Variants in ARHGEF33 observed in about 807,000 individuals in gnomAD.
The protein encoded by ARHGEF33 is DH and coiled-coil domain-containing protein ENSP00000381780.
ARHGEF33 carries 72 observed loss-of-function variants against 101.9 expected under a neutral mutation model. The observed-to-expected ratio is 0.71, with a 90% CI of 0.58 to 0.86. ARHGEF33 has a LOEUF of 0.86. ARHGEF33 is among the 40% of genes least tolerant of loss of function. The pLI is 0.00. For synonymous variants in ARHGEF33, 499 were observed against 442.5 expected (o/e 1.13, Z -1.60); for missense variants, 1,169 against 1,111.3 (o/e 1.05, Z -0.74).
chr2:38,903,280 G>A (rs1216112018), intron 2 of ARHGEF33, among the ~76,000 whole-genome samples: 1 of 152,114 alleles, frequency 6.6e-6, no homozygotes, highest in East Asian at 1.9e-4. Context: ...ATTTTAAGAA[G>A]CAGGGATCTG....
chr2:38,960,363 C>T lies in ARHGEF33; in HGVS notation c.2058C>T (p.Ser686=), dbSNP rs1226549609. 3.9e-6 allele frequency: 6 copies of T among 1,528,348 alleles called. No homozygotes were observed. Among genetic ancestry groups the T allele is most frequent in the East Asian group, 2.5e-5 (1 of 40,446 alleles). 94.7% of individuals were successfully genotyped at this position (1,528,348 alleles called of 1,614,324 possible). A position where few individuals can be genotyped will look rare whatever the true frequency, so the allele number is the denominator to read the frequency against. Residue 686 remains serine, a synonymous_variant, in exon 16 of 18, where the codon AGC becomes AGT. Coordinates refer to ENST00000409978, the MANE Select transcript of ARHGEF33 (RefSeq NM_001145451.5). ...AGAGCGCTACGTCGCCGGCGGGCAG[C>T]AGCAGCGCCTACAAACTGGAGGCGG... ...LPKSATSPAG[S]SSAYKLEAAA...
chr2:38,953,507 C>A (rs1341629176), intron 12 of ARHGEF33, among the ~76,000 whole-genome samples: 4 of 152,296 alleles, frequency 2.6e-5, no homozygotes, highest in Admixed American at 2.0e-4. Flanking sequence ...AATGGGCATT[C>A]TATGCAGAGA....
At chr2:38,919,930 TC>T (rs1666716986) in intron 3 of ARHGEF33, among the ~76,000 whole-genome samples, 1 of 152,218 alleles carries the variant, frequency 6.6e-6, no homozygotes, top group Admixed American at 6.5e-5. Context: ...GGGATCTGGA[TC>T]TTTCCTCCCA....
chr2:38,909,378 G>A (rs1666460756), intron 2 of ARHGEF33, among the ~76,000 whole-genome samples: 1 of 151,922 alleles, frequency 6.6e-6, no homozygotes, highest in Admixed American at 6.5e-5. Flanking sequence ...CTGGAGTGCA[G>A]TGGCTCTATC....
At position 38,966,213 on chromosome 2, in the gene ARHGEF33, C is replaced by T; in HGVS notation, c.2483+68C>T. ...TTTGGGCTAAATCTTGAGGTTTTAACAATAATAAGTATCAAGTAGCCTGGT... is the reference window on the plus strand; with the variant it reads ...TTTGGGCTAAATCTTGAGGTTTTAATAATAATAAGTATCAAGTAGCCTGGT... On this transcript the variant is annotated intron_variant, in intron 17 of 17. Transcript: ENST00000409978. The T allele has an allele frequency of 2.6e-6, 4 of 1,511,034 alleles. No individual in the cohort carries two copies. In the South Asian group the frequency reaches 5.2e-5, roughly 20 times the overall value. 93.6% of individuals were successfully genotyped at this position (1,511,034 alleles called of 1,614,324 possible).
chr2:38,917,345 G>A (rs1445931109), intron 2 of ARHGEF33, among the ~76,000 whole-genome samples: 1 of 152,010 alleles, frequency 6.6e-6, no homozygotes, highest in Non-Finnish European at 1.5e-5. Flanking sequence ...GCCCACCTCA[G>A]CCTCCCAAAG....
At chr2:38,925,182 G>A (rs375189537) in intron 4 of ARHGEF33, among the ~76,000 whole-genome samples, 1 of 152,118 alleles carries the variant, frequency 6.6e-6, no homozygotes, top group Non-Finnish European at 1.5e-5. Flanking sequence ...AGTGTTAATG[G>A]TTATACTGAA....
intron 16 of ARHGEF33, among the ~76,000 whole-genome samples, chr2:38,961,047 G>T (rs937187746): frequency 1.3e-5 from 2 of 152,176 alleles, no homozygotes; most frequent in Admixed American, 6.5e-5. Flanking sequence ...CCGCACGCAG[G>T]TCCCGGGCCA....
intron 2 of ARHGEF33, among the ~76,000 whole-genome samples, chr2:38,899,530 T>C (rs904436247): frequency 6.6e-6 from 1 of 151,896 alleles, no homozygotes; most frequent in Non-Finnish European, 1.5e-5. Context: ...GAGTAGAATG[T>C]TGGTTTCCAG....
At chr2:38,908,021 G>A (rs753684233) in intron 2 of ARHGEF33, among the ~76,000 whole-genome samples, 9 of 151,264 alleles carry the variant, frequency 5.9e-5, no homozygotes, top group Non-Finnish European at 1.2e-4. Context: ...AACATGCCTG[G>A]CTAATTGAAA....
Position 38,957,336 on chromosome 2 carries a change from T to C in ARHGEF33, c.1370+289T>C, listed in dbSNP as rs545194330. ...ATAGTTCAACTGCCCTAAACTTGCC[T>C]GGTTCAAAACTGCAGTTAAAAGACC... is the stretch of plus-strand genomic sequence containing the variant. On this transcript the variant is annotated intron_variant, in intron 14 of 17. Coordinates refer to ENST00000409978, the MANE Select transcript of ARHGEF33 (RefSeq NM_001145451.5). Among the ~76,000 whole-genome samples the C allele has an allele frequency of 2.6e-5, 4 of 152,358 alleles. No homozygotes were observed. The South Asian group carries it at 8.3e-4, about 32-fold the overall frequency.
At chr2:38,963,686 CAAAATA>C (rs1371415814) in intron 16 of ARHGEF33, among the ~76,000 whole-genome samples, 1 of 152,144 alleles carries the variant, frequency 6.6e-6, no homozygotes, top group Non-Finnish European at 1.5e-5. Context: ...GCCCATTTCT[CAAAATA>C]TGGGGGTATT....
In ARHGEF33 at chr2:38,919,444, C is replaced by A. The variant is rs375480888; in HGVS notation, c.-4C>A. On this transcript the variant is annotated 5_prime_UTR_variant, in exon 3 of 18. Coordinates refer to ENST00000409978, the MANE Select transcript of ARHGEF33 (RefSeq NM_001145451.5). ...TAAGCTGGAGAAGAGAAGTAACCGG[C>A]ACTATGGAAAAAACCAAAACAAAGC... 32 of 1,551,762 alleles carry A rather than the reference C, an allele frequency of 2.1e-5. No individual in the cohort carries two copies. Among genetic ancestry groups the A allele is most frequent in the Non-Finnish European group, 4.4e-6 (5 of 1,146,972 alleles).
In ARHGEF33 at chr2:38,962,695, C is replaced by T. The variant is rs368989269; in HGVS notation, c.2343+2047C>T. 2.0e-5 allele frequency among the ~76,000 whole-genome samples: 3 copies of T among 152,114 alleles called. No homozygotes were observed. In the East Asian group the frequency reaches 5.8e-4, roughly 29 times the overall value. ...CATTACTTATTTCTGTTTCTAGACA[C>T]AATTTTTCTTTCTAAAAACTTAAAA... On this transcript the variant is annotated intron_variant, in intron 16 of 17. Transcript: ENST00000409978.
Position 38,973,916 on chromosome 2 carries a change from A to G in ARHGEF33, c.*73A>G. On this transcript the variant is annotated 3_prime_UTR_variant, in exon 18 of 18. Transcript: ENST00000409978. ...CTTGTATATATCTGTGTAGGAATAT[A>G]TATATATATCTATATCTATATATAT... is the stretch of plus-strand genomic sequence containing the variant. 9.5e-7 allele frequency: 1 copy of G among 1,056,730 alleles called. No individual in the cohort carries two copies. Among genetic ancestry groups the G allele is most frequent in the African/African-American group, 1.7e-5 (1 of 59,376 alleles). The allele number at this position is 1,056,730 out of a possible 1,614,324, so 65.5% of individuals were successfully genotyped here. A position where few individuals can be genotyped will look rare whatever the true frequency, so the allele number is the denominator to read the frequency against.
chr2:38,904,259 C>T (rs1666336387), intron 2 of ARHGEF33, among the ~76,000 whole-genome samples: 1 of 152,012 alleles, frequency 6.6e-6, no homozygotes, highest in Admixed American at 6.6e-5. Context: ...GCAGGGCAGA[C>T]CAGGCAGCAG....
intron 7 of ARHGEF33, among the ~76,000 whole-genome samples, chr2:38,934,248 T>C (rs1422846995): frequency 6.6e-6 from 1 of 152,184 alleles, no homozygotes; most frequent in East Asian, 1.9e-4. Flanking sequence ...TACACCTACT[T>C]TCTGGATGCT....
At chr2:38,972,061 G>T in intron 17 of ARHGEF33, 1 of 678,182 alleles carries the variant, frequency 1.5e-6, no homozygotes, top group South Asian at 1.6e-5. Flanking sequence ...TTTGAGTAAT[G>T]ACTTTCTGAT....
At chr2:38,906,627 A>G (rs1028915371) in intron 2 of ARHGEF33, among the ~76,000 whole-genome samples, 1 of 152,084 alleles carries the variant, frequency 6.6e-6, no homozygotes, top group Admixed American at 6.6e-5. Context: ...ACTCTTTCCC[A>G]TATCTAGGCT....
Sources: gnomAD v4.1 joint callset for allele counts (sites outside exome capture counted in the v4.1 genomes callset) on GRCh38, gnomAD v4.1.1 for gene constraint, MANE v1.5 for transcripts, NCBI Gene and HGNC (gene_info 2026-07-23, HGNC 2026-07-21) for gene names.